PLCH1: variants seen among roughly 807,000 people sequenced by gnomAD.
PLCH1 encodes phospholipase C eta 1.
PLCH1 carries 60 observed loss-of-function variants against 126.7 expected under a neutral mutation model. That is an observed-to-expected ratio of 0.47 (90% confidence interval 0.38 to 0.59). The LOEUF is 0.59. PLCH1 is among the 20% of genes least tolerant of loss of function. The pLI, the probability that PLCH1 is intolerant of heterozygous loss-of-function variation, is 0.00. For missense variants in PLCH1, 1,723 were observed against 2,040.0 expected (o/e 0.84, Z 2.99); for synonymous variants, 719 against 734.9 (o/e 0.98, Z 0.35).
At chr3:155,465,433 C>A (rs896220675) in intron 21 of PLCH1, among the ~76,000 whole-genome samples, 1 of 151,856 alleles carries the variant, frequency 6.6e-6, no homozygotes, top group South Asian at 2.1e-4. Context: ...CAGCATTCAT[C>A]GCCTGCTAAC....
intron 15 of PLCH1, among the ~76,000 whole-genome samples, chr3:155,494,973 A>C (rs761439298): frequency 5.3e-5 from 8 of 152,234 alleles, no homozygotes; most frequent in Non-Finnish European, 1.5e-5. Flanking sequence ...CAAGTAAAAC[A>C]TGTATTACTA....
intron 15 of PLCH1, among the ~76,000 whole-genome samples, chr3:155,494,876 T>C (rs1480723033): frequency 6.6e-6 from 1 of 152,148 alleles, no homozygotes; most frequent in Admixed American, 6.5e-5. Flanking sequence ...TTGCCAAATA[T>C]ATAGACAACC....
In PLCH1 at chr3:155,458,391, AAGGAAGGAAGGAAG is replaced by A. The variant is rs1560027106; in HGVS notation, c.2938+26951_2938+26964del. On this transcript the variant is annotated intron_variant, in intron 21 of 21. Coordinates refer to the PLCH1 transcript ENST00000494598. Reference sequence around the variant, plus strand: ...AGAAGAAAGAAAGAAAGAAAGAAGGAAGGAAGGAAGGAAGGAAGGAAGGAAGGAAGGAAGGAAGG... The same window carrying A: ...AGAAGAAAGAAAGAAAGAAAGAAGGAGAAGGAAGGAAGGAAGGAAGGAAGG... 8.6e-3 allele frequency among the ~76,000 whole-genome samples: 210 copies of A among 24,334 alleles called. 7 individuals carry two copies. The highest frequency in any genetic ancestry group is 0.029 in the African/African-American group (110 of 3,826). The allele number at this position is 24,334 out of a possible 152,430, so 16.0% of individuals were successfully genotyped here.
chr3:155,552,412 T>C (rs1227801702), intron 9 of PLCH1, among the ~76,000 whole-genome samples: 3 of 152,138 alleles, frequency 2.0e-5, no homozygotes, highest in African/African-American at 7.2e-5. Context: ...GGGTGCTAAA[T>C]ACAGAGAAAA....
chr3:155,659,569 G>A (rs7611680), intron 2 of PLCH1, among the ~76,000 whole-genome samples: 7,129 of 151,510 alleles, frequency 0.047, 232 homozygotes, highest in Middle Eastern at 0.11. Context: ...GCATGATCTC[G>A]GCTCACTGCA....
chr3:155,680,794 A>AT (rs970362911), intron 2 of PLCH1, among the ~76,000 whole-genome samples: 2 of 152,232 alleles, frequency 1.3e-5, no homozygotes, highest in Non-Finnish European at 2.9e-5. Context: ...TGTTATAATA[A>AT]TTAATAACTC....
chr3:155,475,273 C>T (rs61539831), downstream of PLCH1, among the ~76,000 whole-genome samples: 1,849 of 151,548 alleles, frequency 0.012, 30 homozygotes, highest in African/African-American at 0.042. Flanking sequence ...ATCTAGAAAA[C>T]GATAATGGAA....
At chr3:155,550,159 A>G (rs778939289) in intron 9 of PLCH1, among the ~76,000 whole-genome samples, 12 of 152,250 alleles carry the variant, frequency 7.9e-5, no homozygotes, top group Admixed American at 1.3e-4. Flanking sequence ...TTTGCTAAGC[A>G]TAATGGATGA....
rs1489643285 is a variant in PLCH1, at chr3:155,497,305, A to T, written c.1894+15T>A. On this transcript the variant is annotated intron_variant, in intron 15 of 22. Coordinates refer to ENST00000460012, the MANE Select transcript of PLCH1 (RefSeq NM_014996.4). The stretch of plus-strand genomic sequence containing the variant: ...TGTTTATTCAGAGCAGAATGAGAAA[A>T]CTCTCCATCCTTACCGTCATCCACA... The T allele has an allele frequency of 3.3e-6, 5 of 1,531,788 alleles. No individual in the cohort carries two copies. The highest frequency in any genetic ancestry group is 4.5e-6 in the Non-Finnish European group (5 of 1,107,868). The allele number at this position is 1,531,788 out of a possible 1,614,324, so 94.9% of individuals were successfully genotyped here.
At chr3:155,690,363 G>A (rs1391275970) in intron 2 of PLCH1, among the ~76,000 whole-genome samples, 1 of 152,210 alleles carries the variant, frequency 6.6e-6, no homozygotes, top group African/African-American at 2.4e-5. Flanking sequence ...ATGCACAAAT[G>A]TACATGCATA....
chr3:155,649,518 G>A (rs1486082453), intron 2 of PLCH1, among the ~76,000 whole-genome samples: 2 of 152,100 alleles, frequency 1.3e-5, no homozygotes, highest in Non-Finnish European at 2.9e-5. Flanking sequence ...CATTGCAAGG[G>A]AGGGGTCTCA....
intron 9 of PLCH1, 37 bp downstream of exon 9, chr3:155,554,039 A>C (rs1726489210): frequency 1.2e-6 from 2 of 1,606,470 alleles, no homozygotes. Context: ...TCCATGCGGG[A>C]GGCTACCGCT....
chr3:155,463,623 T>C (rs930581256), intron 21 of PLCH1, among the ~76,000 whole-genome samples: 1 of 152,184 alleles, frequency 6.6e-6, no homozygotes, highest in Non-Finnish European at 1.5e-5. Context: ...CCTCACAAAA[T>C]TGTCATAAGG....
At chr3:155,692,553 T>TTTTTGTTTTTG (rs1745473147) in intron 2 of PLCH1, among the ~76,000 whole-genome samples, 1 of 150,544 alleles carries the variant, frequency 6.6e-6, no homozygotes, top group Non-Finnish European at 1.5e-5. Context: ...ACCATCATTG[T>TTTTTGTTTTTG]TTTTGTTTTG....
intron 1 of PLCH1, among the ~76,000 whole-genome samples, chr3:155,725,705 A>G (rs1460526643): frequency 1.3e-5 from 2 of 152,088 alleles, no homozygotes; most frequent in Non-Finnish European, 2.9e-5. Context: ...CTCCCAAAGT[A>G]CAGGGATTAC....
intron 8 of PLCH1, among the ~76,000 whole-genome samples, chr3:155,560,400 C>T (rs957552497): frequency 6.6e-6 from 1 of 152,100 alleles, no homozygotes; most frequent in African/African-American, 2.4e-5. Context: ...TTTTCTTCCT[C>T]TTAATATTTT....
intron 6 of PLCH1, among the ~76,000 whole-genome samples, chr3:155,580,643 CTAAG>C (rs1390279704): frequency 2.0e-5 from 3 of 151,990 alleles, no homozygotes; most frequent in Admixed American, 2.0e-4. Flanking sequence ...AGCACTAAAA[CTAAG>C]TGAGCATGAT....
intron 6 of PLCH1, among the ~76,000 whole-genome samples, chr3:155,569,650 G>A (rs747322265): frequency 1.3e-5 from 2 of 152,182 alleles, no homozygotes; most frequent in Non-Finnish European, 2.9e-5. Flanking sequence ...GTGAGCTAGA[G>A]AGATTTGGCA....
chr3:155,687,196 A>G (rs1043375575), intron 2 of PLCH1, among the ~76,000 whole-genome samples: 1 of 152,246 alleles, frequency 6.6e-6, no homozygotes, highest in Admixed American at 6.5e-5. Flanking sequence ...TGAGAGAAAT[A>G]ATGCTGAAGT....
Sources: allele counts gnomAD v4.1 joint callset (sites outside exome capture counted in the v4.1 genomes callset), GRCh38; gene constraint gnomAD v4.1.1; transcripts MANE v1.5; gene names NCBI Gene and HGNC (gene_info 2026-07-23, HGNC 2026-07-21).